The following PACRG variants were observed in gnomAD, a reference collection of about 807,000 sequenced individuals.
PACRG encodes parkin coregulated gene protein.
Under a neutral mutation model 29.7 loss-of-function variants are expected in PACRG, and 29 were observed. The ratio of observed to expected loss-of-function variants is 0.98; its 90% CI spans 0.73 to 1.33. The LOEUF is 1.33. PACRG is among the 40% of genes most tolerant of loss of function. The pLI is 0.00. For missense variants in PACRG, 279 were observed against 316.2 expected (o/e 0.88, Z 0.89); for synonymous variants, 116 against 118.7 (o/e 0.98, Z 0.15).
At chr6:163,100,713 C>T in intron 4 of PACRG, 1 of 864,046 alleles carries the variant, frequency 1.2e-6, no homozygotes, top group Non-Finnish European at 1.4e-6. Context: ...ATGAAATCAG[C>T]TTTCCATTTT....
Position 162,867,125 on chromosome 6 carries a change from C to T in PACRG, c.291+52844C>T, listed in dbSNP as rs117812111. On this transcript the variant is annotated intron_variant, in intron 2 of 4. Coordinates refer to ENST00000366888, the MANE Select transcript of PACRG (RefSeq NM_001080379.2). ...TCCACTGTGAAGTTACCTTTGCCAG[C>T]GGCTCAGTACCAAATGCTCAATTGC... Among the ~76,000 whole-genome samples the T allele has an allele frequency of 2.6e-3, 398 of 152,260 alleles. 2 individuals carry two copies. Among genetic ancestry groups the T allele is most frequent in the Non-Finnish European group, 4.5e-3 (308 of 68,014 alleles).
intron 2 of PACRG, among the ~76,000 whole-genome samples, chr6:162,973,290 G>A (rs62429278): frequency 0.11 from 16,125 of 152,218 alleles, 1,673 homozygotes; most frequent in African/African-American, 0.25. Context: ...AGTAAAAGGC[G>A]GTTTGCCCTA....
chr6:162,804,043 C>G (rs764695254), intron 1 of PACRG, among the ~76,000 whole-genome samples: 20 of 151,782 alleles, frequency 1.3e-4, no homozygotes, highest in African/African-American at 4.4e-4. Flanking sequence ...ATGGCAACAT[C>G]GAAACATATT....
Position 163,274,861 on chromosome 6 carries a change from C to CTTTTTTTTTTTTTT in PACRG, c.614-39963_614-39950dup, listed in dbSNP as rs58333018. Among the ~76,000 whole-genome samples, 10 of 126,312 alleles carry CTTTTTTTTTTTTTT rather than the reference C, an allele frequency of 7.9e-5. 1 individual carries two copies. The highest frequency in any genetic ancestry group is 1.7e-4 in the Admixed American group (2 of 11,730). The allele number at this position is 126,312 out of a possible 152,430, so 82.9% of individuals were successfully genotyped here. On this transcript the variant is annotated intron_variant, in intron 4 of 4. Transcript: ENST00000366888. Reference sequence around the variant, plus strand: ...TTCTTTTTCTTTTCTTTCTTTCTTTCTTTTTTTTTTTTTTTTGAGATAGAG... The same window carrying CTTTTTTTTTTTTTT: ...TTCTTTTTCTTTTCTTTCTTTCTTTCTTTTTTTTTTTTTTTTTTTTTTTTTTTTTTGAGATAGAG...
chr6:162,954,784 T>C (rs528279998), intron 2 of PACRG, among the ~76,000 whole-genome samples: 7 of 152,232 alleles, frequency 4.6e-5, no homozygotes, highest in Non-Finnish European at 1.0e-4. Flanking sequence ...TGCAGTGTTA[T>C]AGCAAGTGTA....
chr6:163,115,498 T>G (rs1815939421), intron 4 of PACRG, among the ~76,000 whole-genome samples: 1 of 152,224 alleles, frequency 6.6e-6, no homozygotes, highest in South Asian at 2.1e-4. Context: ...GCATACAAAA[T>G]GAATGAAGGG....
chr6:163,232,479 A>T (rs1236193597), intron 4 of PACRG, among the ~76,000 whole-genome samples: 1 of 152,172 alleles, frequency 6.6e-6, no homozygotes, highest in Non-Finnish European at 1.5e-5. Flanking sequence ...GGAGGAACAA[A>T]GGAAGAGGAG....
At chr6:162,870,544 C>T (rs1402494618) in intron 2 of PACRG, among the ~76,000 whole-genome samples, 1 of 152,126 alleles carries the variant, frequency 6.6e-6, no homozygotes, top group Admixed American at 6.5e-5. Flanking sequence ...ACACACTGAA[C>T]CCAGTTCGTA....
chr6:163,119,961 A>G (rs1022915192), intron 4 of PACRG, among the ~76,000 whole-genome samples: 1 of 152,190 alleles, frequency 6.6e-6, no homozygotes, highest in African/African-American at 2.4e-5. Flanking sequence ...CCAAATGTTC[A>G]TCATTTCTGG....
chr6:163,045,144 T>C (rs1218254499), intron 2 of PACRG, among the ~76,000 whole-genome samples: 1 of 151,850 alleles, frequency 6.6e-6, no homozygotes, highest in Non-Finnish European at 1.5e-5. Flanking sequence ...CAAGGTGTGT[T>C]GTGGGTTCTC....
chr6:162,916,040 C>T (rs989044355), intron 2 of PACRG, among the ~76,000 whole-genome samples: 3 of 152,220 alleles, frequency 2.0e-5, no homozygotes, highest in African/African-American at 7.2e-5. Context: ...TTTCTTCCAT[C>T]TGCAGAACTT....
At chr6:163,179,927 C>T (rs1779573970) in intron 4 of PACRG, among the ~76,000 whole-genome samples, 1 of 152,184 alleles carries the variant, frequency 6.6e-6, no homozygotes, top group Non-Finnish European at 1.5e-5. Context: ...CGCCAGGCAC[C>T]CCGTCCAGTG....
intron 1 of PACRG, among the ~76,000 whole-genome samples, chr6:162,807,730 A>T (rs1239469786): frequency 6.6e-6 from 1 of 152,182 alleles, no homozygotes; most frequent in Non-Finnish European, 1.5e-5. Flanking sequence ...CCAAAACATG[A>T]TGCAGAGACA....
chr6:162,910,556 GAAA>G (rs1328904963), intron 2 of PACRG, among the ~76,000 whole-genome samples: 1 of 151,378 alleles, frequency 6.6e-6, no homozygotes, highest in African/African-American at 2.4e-5. Context: ...CATTTGAATT[GAAA>G]AAAAACCACA....
At chr6:163,088,477 GT>G (rs1401493677) in intron 3 of PACRG, among the ~76,000 whole-genome samples, 1 of 152,162 alleles carries the variant, frequency 6.6e-6, no homozygotes, top group Non-Finnish European at 1.5e-5. Flanking sequence ...GTGCCAGTAA[GT>G]TGGCCAACCT....
chr6:163,232,830 C>T (rs575252166), intron 4 of PACRG, among the ~76,000 whole-genome samples: 93 of 152,316 alleles, frequency 6.1e-4, no homozygotes, highest in African/African-American at 2.1e-3. Context: ...CCCCAGCTCA[C>T]GCTCCCAGGA....
intron 4 of PACRG, among the ~76,000 whole-genome samples, chr6:163,177,277 T>C (rs1018391060): frequency 3.3e-5 from 5 of 152,114 alleles, no homozygotes; most frequent in African/African-American, 7.2e-5. Context: ...CTGAGTACAA[T>C]TACCAAAGAT....
chr6:162,941,056 G>A (rs9356079), intron 2 of PACRG, among the ~76,000 whole-genome samples: 1 of 151,110 alleles, frequency 6.6e-6, no homozygotes, highest in Admixed American at 6.6e-5. Flanking sequence ...GCATGTGTGT[G>A]TGTGTGTGTG....
chr6:163,256,147 G>A (rs1783097912), intron 4 of PACRG, among the ~76,000 whole-genome samples: 1 of 152,148 alleles, frequency 6.6e-6, no homozygotes, highest in Non-Finnish European at 1.5e-5. Flanking sequence ...TCACAGGATA[G>A]GATGTGTATC....
Sources: gnomAD v4.1 joint callset for allele counts (sites outside exome capture counted in the v4.1 genomes callset) on GRCh38, gnomAD v4.1.1 for gene constraint, MANE v1.5 for transcripts, NCBI Gene and HGNC (gene_info 2026-07-23, HGNC 2026-07-21) for gene names.